Variants in ATAD3A observed in about 807,000 individuals in gnomAD.
ATAD3A encodes ATPase family AAA domain-containing protein 3A.
Under a neutral mutation model 73.8 loss-of-function variants are expected in ATAD3A, and 46 were observed. The ratio of observed to expected loss-of-function variants is 0.62; its 90% CI spans 0.49 to 0.80. The LOEUF is 0.80. ATAD3A is among the 30% of genes least tolerant of loss of function. The pLI is 0.00. For synonymous variants in ATAD3A, 319 were observed against 350.0 expected, an observed-to-expected ratio of 0.91 and a Z score of 0.99; for missense variants, 705 against 838.0, an observed-to-expected ratio of 0.84 and a Z score of 1.96.
intron 12 of ATAD3A, among the ~76,000 whole-genome samples, chr1:1,525,734 C>A (rs533634102): frequency 2.6e-5 from 4 of 151,396 alleles, no homozygotes; most frequent in African/African-American, 9.7e-5. Context: ...CATTCTAAGA[C>A]AGGGTCTCTG....
In ATAD3A at chr1:1,521,298, C is replaced by CAAAA. The variant is rs1001385922; in HGVS notation, c.750+709_750+712dup. Among the ~76,000 whole-genome samples the CAAAA allele has an allele frequency of 2.9e-3, 73 of 25,328 alleles. 6 individuals are homozygous for CAAAA. The East Asian group carries it at 0.032, about 11-fold the overall frequency. The allele number at this position is 25,328 out of a possible 152,430, so 16.6% of individuals were successfully genotyped here. ...TGGGCCACATAGTGAGGCTTCTTCT[C>CAAAA]AAAAAAAAAAAAAAAAAAAAAAAAA... is the stretch of plus-strand genomic sequence containing the variant. On this transcript the variant is annotated intron_variant, in intron 7 of 15. Coordinates refer to ENST00000378756, the MANE Select transcript of ATAD3A (RefSeq NM_001170535.3).
Position 1,524,330 on chromosome 1 carries a change from C to T in ATAD3A, c.1147C>T (p.Pro383Ser), listed in dbSNP as rs1239292291. The T allele has an allele frequency of 6.2e-7, 1 of 1,612,882 alleles. No homozygotes were observed. Among genetic ancestry groups the T allele is most frequent in the Non-Finnish European group, 8.5e-7 (1 of 1,179,552 alleles). Residue 383 changes from proline (P) to serine (S), a missense_variant, in exon 11 of 16, where the codon CCC becomes TCC. Around this residue, in one of 5 missense-constraint regions of ATAD3A, gnomAD observed 6 missense variants for 26.7 expected, o/e 0.23. Transcript: ENST00000378756. ...CATCATGACAGGCGGGGACGTGGCC[C>T]CCATGGGGCGGGAAGGCGTGACCGC... The part of the protein sequence containing the change: ...YAIMTGGDVA[P>S]MGREGVTAMH...
chr1:1,515,803 T>C (rs950935939), intron 1 of ATAD3A, among the ~76,000 whole-genome samples: 6 of 152,148 alleles, frequency 3.9e-5, no homozygotes, highest in Non-Finnish European at 5.9e-5. Context: ...CCTGGGGGGA[T>C]AAAACCTCAC....
At chr1:1,533,848 C>G (rs1294837794) in intron 15 of ATAD3A, 78 bp from the exon 16 acceptor site, 2 of 1,530,526 alleles carry the variant, frequency 1.3e-6, no homozygotes, top group Non-Finnish European at 1.8e-6. Flanking sequence ...TGGTCCCTCC[C>G]CACCTCGGGG....
At position 1,533,097 on chromosome 1, in the gene ATAD3A, T is replaced by C. The variant is rs1159458124; in HGVS notation, c.1615-829T>C. Among the ~76,000 whole-genome samples, 3 of 152,190 alleles carry C rather than the reference T, an allele frequency of 2.0e-5. No homozygotes were observed. The East Asian group carries it at 5.8e-4, about 29-fold the overall frequency. On this transcript the variant is annotated intron_variant, in intron 15 of 15. Coordinates refer to ENST00000378756, the MANE Select transcript of ATAD3A (RefSeq NM_001170535.3). The stretch of plus-strand genomic sequence containing the variant: ...ACGGTGTTGTGGGAGGATGGTGTGC[T>C]GCTGCCCCTGCACCCCGTGAGATGA...
At chr1:1,515,752 C>T (rs1641334305) in intron 1 of ATAD3A, among the ~76,000 whole-genome samples, 1 of 152,202 alleles carries the variant, frequency 6.6e-6, no homozygotes, top group South Asian at 2.1e-4. Context: ...TCCTCCCGTC[C>T]ACGTGGGATG....
At chr1:1,516,574 G>A (rs1022391581) in intron 2 of ATAD3A, among the ~76,000 whole-genome samples, 1 of 152,016 alleles carries the variant, frequency 6.6e-6, no homozygotes. Flanking sequence ...CACCACACCT[G>A]GCTAATTTTT....
At chr1:1,525,359 G>T (rs571074509) in intron 12 of ATAD3A, 68 bp downstream of exon 12, 5 of 1,591,980 alleles carry the variant, frequency 3.1e-6, no homozygotes, top group African/African-American at 1.3e-5. Flanking sequence ...CCTGGGCCAG[G>T]CTGCAGCCCT....
In ATAD3A at chr1:1,523,598, G is replaced by T. The variant is rs779195744; in HGVS notation, c.963+31G>T. On this transcript the variant is annotated intron_variant, in intron 9 of 15. Coordinates refer to ENST00000378756, the MANE Select transcript of ATAD3A (RefSeq NM_001170535.3). The surrounding 1 kb of genome is among the most constrained non-coding windows in gnomAD (Gnocchi z 5.1). ...TCGGTGTGCCTGGGACCGGGGAGGC[G>T]CAGGGAGGGGACCCTGGAGCTGGGC... 5 of 1,612,032 alleles carry T rather than the reference G, an allele frequency of 3.1e-6. No individual in the cohort carries two copies. In the Admixed American group the frequency reaches 6.7e-5, roughly 22 times the overall value.
intron 14 of ATAD3A, 50 bp downstream of exon 14, chr1:1,527,912 C>A (rs764491688): frequency 1.3e-6 from 2 of 1,555,516 alleles, no homozygotes; most frequent in African/African-American, 2.8e-5. Flanking sequence ...CGCTCAGGGT[C>A]CACCCCGACC....
chr1:1,527,579 G>A (rs1157260367), intron 13 of ATAD3A, 116 bp from the exon 14 acceptor site: 5 of 1,352,002 alleles, frequency 3.7e-6, no homozygotes, highest in Non-Finnish European at 5.0e-6. Flanking sequence ...CTGTGCCCGT[G>A]TCCTCGTGTT....
In ATAD3A at chr1:1,523,626, G is replaced by T. The variant is rs1641689079; in HGVS notation, c.963+59G>T. 3 of 1,609,134 alleles carry T rather than the reference G, an allele frequency of 1.9e-6. No individual in the cohort carries two copies. Among genetic ancestry groups the T allele is most frequent in the Admixed American group, 1.7e-5 (1 of 59,636 alleles). On this transcript the variant is annotated intron_variant, in intron 9 of 15. Transcript: ENST00000378756. The surrounding 1 kb of genome is among the most constrained non-coding windows in gnomAD (Gnocchi z 5.1). ...GGGAGGGGACCCTGGAGCTGGGCCG[G>T]GCTGTGGCCCTTGCTGGCGCTCGTG...
chr1:1,517,343 C>T lies in ATAD3A; in HGVS notation c.315C>T (p.Ser105=), dbSNP rs145736326. 6,371 of 1,542,028 alleles carry T rather than the reference C, an allele frequency of 4.1e-3. 229 individuals are homozygous for T. The African/African-American group carries it at 0.079, about 19-fold the overall frequency. The change falls in exon 3 of 16, where the codon AGC becomes AGT. Residue 105 remains serine (S), a synonymous_variant. Coordinates refer to ENST00000378756, the MANE Select transcript of ATAD3A (RefSeq NM_001170535.3). The part of the protein sequence containing the change: ...EYEAAVEQLK[S]EQIRAQAEER... The stretch of plus-strand genomic sequence containing the variant: ...AGGCCGCCGTGGAGCAGCTCAAGAG[C>T]GAGCAGATCCGGGCGCAGGCTGAGG...
chr1:1,519,938 TGTGGCGTGGGCCTGTCC>T (rs1410402906), intron 5 of ATAD3A, among the ~76,000 whole-genome samples, 186 bp from the exon 6 acceptor site: 1 of 151,798 alleles, frequency 6.6e-6, no homozygotes, highest in Non-Finnish European at 1.5e-5. Flanking sequence ...TGGGCCTGTC[TGTGGCGTGGGCCTGTCC>T]GTGGCCTTAG....
intron 5 of ATAD3A, among the ~76,000 whole-genome samples, chr1:1,519,198 G>A (rs1180488917): frequency 6.6e-6 from 1 of 151,094 alleles, no homozygotes; most frequent in Non-Finnish European, 1.5e-5. Flanking sequence ...GGGAGGGCAG[G>A]AGCTGCTTCA....
At chr1:1,527,301 G>A in intron 13 of ATAD3A, 1 of 1,174,900 alleles carries the variant, frequency 8.5e-7, no homozygotes, top group Non-Finnish European at 1.1e-6. Context: ...GAGAGGCAAG[G>A]CTGGGGCCCT....
intron 13 of ATAD3A, chr1:1,527,216 C>G: frequency 3.8e-6 from 5 of 1,302,090 alleles, no homozygotes; most frequent in Non-Finnish European, 5.1e-6. Context: ...GTGGCTGACT[C>G]CTCAGGCACG....
chr1:1,532,396 T>A (rs1156495259), intron 15 of ATAD3A, among the ~76,000 whole-genome samples: 6 of 152,218 alleles, frequency 3.9e-5, no homozygotes, highest in African/African-American at 1.4e-4. Flanking sequence ...TGTGAAGACA[T>A]CAGGTCCAGG....
At chr1:1,527,100 C>T (rs532910573) in intron 13 of ATAD3A, 1 of 1,192,498 alleles carries the variant, frequency 8.4e-7, no homozygotes, top group Non-Finnish European at 1.1e-6. Flanking sequence ...CATGGCCAGG[C>T]TCCCTAGTCC....
Sources: gnomAD v4.1 joint callset for allele counts (sites outside exome capture counted in the v4.1 genomes callset) on GRCh38, gnomAD v4.1.1 for gene constraint, gnomAD v4.1.1 regional missense constraint, Gnocchi (gnomAD v3.1) non-coding constraint, MANE v1.5 for transcripts, NCBI Gene and HGNC (gene_info 2026-07-23, HGNC 2026-07-21) for gene names.